Variants in CUL5 observed in about 807,000 individuals in gnomAD.
The protein encoded by CUL5 is cullin-5.
A neutral mutation model predicts 108.8 loss-of-function variants in CUL5; 26 were observed. The ratio of observed to expected loss-of-function variants is 0.24; its 90% confidence interval spans 0.18 to 0.33. The LOEUF is 0.33. Ranked by LOEUF, CUL5 falls within the 10% of genes least tolerant of loss-of-function variation. The pLI is 1.00. For missense variants in CUL5, 524 were observed against 909.2 expected (o/e 0.58, Z 5.45); for synonymous variants, 334 against 298.0 (o/e 1.12, Z -1.25).
chr11:108,011,104 A>T (rs1474226414), intron 1 of CUL5, among the ~76,000 whole-genome samples: 1 of 152,244 alleles, frequency 6.6e-6, no homozygotes, highest in East Asian at 1.9e-4. Context: ...TTTAAGAAGT[A>T]ATTTTGTCCG....
intron 1 of CUL5, among the ~76,000 whole-genome samples, chr11:108,010,146 G>C (rs1408043142): frequency 1.3e-5 from 2 of 152,264 alleles, no homozygotes; most frequent in East Asian, 3.8e-4. Flanking sequence ...GGAAGACTTA[G>C]AACTAGTCTG....
Position 108,106,223 on chromosome 11 carries a change from G to A in CUL5, c.*1839G>A, listed in dbSNP as rs549843166. On this transcript the variant is annotated 3_prime_UTR_variant, in exon 19 of 19. Transcript: ENST00000393094. Reference sequence around the variant, plus strand: ...GTTTAACAGATAATTCAGCATTGGCGTATTTGCTTGTCCCAATACAAGAAT... The same window carrying A: ...GTTTAACAGATAATTCAGCATTGGCATATTTGCTTGTCCCAATACAAGAAT... 10 of 152,684 alleles carry A rather than the reference G, an allele frequency of 6.5e-5. No homozygotes were observed. The highest frequency in any genetic ancestry group is 4.1e-4 in the South Asian group (2 of 4,826). 9.5% of individuals were successfully genotyped at this position (152,684 alleles called of 1,614,324 possible). A position where few individuals can be genotyped will look rare whatever the true frequency, so the allele number is the denominator to read the frequency against.
Position 108,094,930 on chromosome 11 carries a change from CA to C in CUL5, c.1694del (p.Asn565IlefsTer18). On this transcript the variant is annotated frameshift_variant, in exon 15 of 19. Transcript: ENST00000393094. LOFTEE classifies it high-confidence loss of function. ...DLIPEVEEFYKKNHSGRKLHW... is the reference protein window; with the variant it reads ...DLIPEVEEFYXKNHSGRKLHW... ...TGATACCGGAAGTAGAAGAATTCTACAAAAAAAATCATAGTGGTAGAAAATT... is the reference window on the plus strand; with the variant it reads ...TGATACCGGAAGTAGAAGAATTCTACAAAAAAATCATAGTGGTAGAAAATT... The C allele has an allele frequency of 2.5e-6, 4 of 1,611,042 alleles. No individual in the cohort carries two copies. Among genetic ancestry groups the C allele is most frequent in the Non-Finnish European group, 3.4e-6 (4 of 1,178,584 alleles).
At chr11:108,080,239 A>G (rs1319305230) in intron 11 of CUL5, among the ~76,000 whole-genome samples, 1 of 149,488 alleles carries the variant, frequency 6.7e-6, no homozygotes, top group Non-Finnish European at 1.5e-5. Flanking sequence ...TGGGACTATA[A>G]GCACACACCA....
At chr11:108,023,046 C>T (rs971374936) in intron 1 of CUL5, among the ~76,000 whole-genome samples, 2 of 152,124 alleles carry the variant, frequency 1.3e-5, no homozygotes, top group African/African-American at 4.8e-5. Context: ...GTCAGGAGTT[C>T]GAGACCAGCC....
Position 108,107,552 on chromosome 11 carries a change from T to C in CUL5, c.*3168T>C, listed in dbSNP as rs1864830962. 1 of 152,668 alleles carries C rather than the reference T, an allele frequency of 6.6e-6. No homozygotes were observed. Among genetic ancestry groups the C allele is most frequent in the Admixed American group, 6.5e-5 (1 of 15,270 alleles). The allele number at this position is 152,668 out of a possible 1,614,324, so 9.5% of individuals were successfully genotyped here. ...TCTGGAGTGTTGAACAAATTTATTT[T>C]AGTTTCTAAGTTGTAATCTATCCTC... On this transcript the variant is annotated 3_prime_UTR_variant, in exon 19 of 19. Coordinates refer to ENST00000393094, the MANE Select transcript of CUL5 (RefSeq NM_003478.6).
At chr11:108,061,840 T>A in intron 7 of CUL5, among the ~76,000 whole-genome samples, 1 of 152,046 alleles carries the variant, frequency 6.6e-6, no homozygotes, top group Non-Finnish European at 1.5e-5. Context: ...CTCAGGAAAC[T>A]TAAAATCATG....
chr11:108,027,119 T>C (rs1362289042), intron 1 of CUL5, among the ~76,000 whole-genome samples: 2 of 152,112 alleles, frequency 1.3e-5, no homozygotes, highest in East Asian at 1.9e-4. Flanking sequence ...TTTCTTCTTA[T>C]TTATTTTTGT....
At chr11:108,010,161 G>A (rs1862027937) in intron 1 of CUL5, among the ~76,000 whole-genome samples, 2 of 152,382 alleles carry the variant, frequency 1.3e-5, no homozygotes, top group African/African-American at 4.8e-5. Context: ...AGTCTGTTCT[G>A]TGTATGTGTC....
chr11:108,009,037 G>A lies in CUL5; in HGVS notation c.-312G>A. On this transcript the variant is annotated 5_prime_UTR_variant, in exon 1 of 19. Transcript: ENST00000393094. The stretch of plus-strand genomic sequence containing the variant: ...CGAAGGAGTCGGGGAGGCTCGTGGA[G>A]TCGATGCTTCCTCTTCCAAGTCAGG... 1 of 449,854 alleles carries A rather than the reference G, an allele frequency of 2.2e-6. No homozygotes were observed. The highest frequency in any genetic ancestry group is 4.0e-6 in the Non-Finnish European group (1 of 251,072). 27.9% of individuals were successfully genotyped at this position (449,854 alleles called of 1,614,324 possible). A position where few individuals can be genotyped will look rare whatever the true frequency, so the allele number is the denominator to read the frequency against.
chr11:108,104,149 T>G, intron 18 of CUL5, 41 bp from the exon 19 acceptor site: 4 of 1,318,312 alleles, frequency 3.0e-6, no homozygotes, highest in Non-Finnish European at 4.2e-6. Flanking sequence ...TTAAAATAAT[T>G]TCGTATATTA....
chr11:108,102,655 G>A (rs1864702131), intron 18 of CUL5, among the ~76,000 whole-genome samples: 1 of 152,174 alleles, frequency 6.6e-6, no homozygotes, highest in South Asian at 2.1e-4. Context: ...TATAGGGGAA[G>A]TTGAAGGAGT....
At chr11:108,069,022 T>C (rs1052077444) in intron 7 of CUL5, among the ~76,000 whole-genome samples, 4 of 152,190 alleles carry the variant, frequency 2.6e-5, no homozygotes, top group African/African-American at 9.7e-5. Context: ...TTTGGGAGAC[T>C]GACAGGGGGA....
chr11:108,027,642 C>G (rs757683581), intron 1 of CUL5, among the ~76,000 whole-genome samples: 43 of 152,086 alleles, frequency 2.8e-4, no homozygotes, highest in Non-Finnish European at 5.3e-4. Flanking sequence ...CTCCTGGGCT[C>G]AAGTGACCCG....
chr11:108,063,902 T>G (rs1243755075), intron 7 of CUL5, among the ~76,000 whole-genome samples: 1 of 152,208 alleles, frequency 6.6e-6, no homozygotes, highest in African/African-American at 2.4e-5. Context: ...TATTTGTTAT[T>G]GCCTGTCTTA....
chr11:108,027,687 A>G (rs145216092), intron 1 of CUL5, among the ~76,000 whole-genome samples: 130 of 152,206 alleles, frequency 8.5e-4, no homozygotes, highest in African/African-American at 3.1e-3. Context: ...GATTACAAGC[A>G]TGAACTATTG....
intron 1 of CUL5, among the ~76,000 whole-genome samples, chr11:108,029,981 G>A (rs3781871): frequency 2.0e-5 from 3 of 152,086 alleles, no homozygotes; most frequent in African/African-American, 7.2e-5. Context: ...CTCTTGTTAA[G>A]AAGGTATTCT....
In CUL5 at chr11:108,089,512, A is replaced by T; in HGVS notation, c.1332A>T (p.Val444=). 1.3e-6 allele frequency: 2 copies of T among 1,559,344 alleles called. No individual in the cohort carries two copies. Among genetic ancestry groups the T allele is most frequent in the South Asian group, 2.5e-5 (2 of 81,242 alleles). ...LKEVLLVLKY[V]QNKDVFMRYH... ...TACAGCTCTTGGTACTTAAGTATGTACAGAACAAAGATGTTTTTATGAGGT... is the reference window on the plus strand; with the variant it reads ...TACAGCTCTTGGTACTTAAGTATGTTCAGAACAAAGATGTTTTTATGAGGT... Residue 444 remains valine, a synonymous_variant, in exon 13 of 19, where the codon GTA becomes GTT. Coordinates refer to ENST00000393094, the MANE Select transcript of CUL5 (RefSeq NM_003478.6).
At chr11:108,101,971 A>C (rs1380821906) in intron 18 of CUL5, among the ~76,000 whole-genome samples, 1 of 152,164 alleles carries the variant, frequency 6.6e-6, no homozygotes, top group Non-Finnish European at 1.5e-5. Context: ...ATCAAGGGTG[A>C]GAGGAATTCA....
Sources: gnomAD v4.1 joint callset for allele counts (sites outside exome capture counted in the v4.1 genomes callset) on GRCh38, gnomAD v4.1.1 for gene constraint, MANE v1.5 for transcripts, NCBI Gene and HGNC (gene_info 2026-07-23, HGNC 2026-07-21) for gene names.